ADK: variants seen among roughly 807,000 people sequenced by gnomAD.
ADK encodes N6,N6-dimethyladenosine kinase.
A neutral mutation model predicts 44.7 loss-of-function variants in ADK; 24 were observed. That is an observed-to-expected ratio of 0.54 (90% confidence interval 0.39 to 0.76). ADK has a LOEUF of 0.76. Ranked by LOEUF, ADK falls within the 30% of genes least tolerant of loss-of-function variation. ADK has a pLI of 0.00. For synonymous variants in ADK, 128 were observed against 142.6 expected (o/e 0.90, Z 0.73); for missense variants, 321 against 425.1 (o/e 0.76, Z 2.15).
At chr10:74,509,220 G>A (rs1268405384) in intron 6 of ADK, 1 of 150,072 alleles carries the variant, frequency 6.7e-6, no homozygotes, top group Non-Finnish European at 1.5e-5. Flanking sequence ...TTGAGACGGA[G>A]TCTCACTCTG....
intron 7 of ADK, among the ~76,000 whole-genome samples, chr10:74,569,032 C>G (rs947677620): frequency 6.7e-6 from 1 of 150,136 alleles, no homozygotes; most frequent in Non-Finnish European, 1.5e-5. Context: ...CATTGTTTGG[C>G]TTTTTGTCCT....
At position 74,534,263 on chromosome 10, in the gene ADK, T is replaced by C. The variant is rs12773960; in HGVS notation, c.726+8837T>C. 3.2e-3 allele frequency among the ~76,000 whole-genome samples: 482 copies of C among 152,364 alleles called. 1 individual carries two copies. The highest frequency in any genetic ancestry group is 5.0e-3 in the Non-Finnish European group (339 of 68,034). ...CTTTTAGTTTGTGCAGATAATTGTA[T>C]GTCAGTTATACCTCAGTAAAGCTAT... On this transcript the variant is annotated intron_variant, in intron 7 of 10. Coordinates refer to ENST00000539909, the MANE Select transcript of ADK (RefSeq NM_006721.4).
At chr10:74,694,127 A>G (rs1317198625) in intron 10 of ADK, among the ~76,000 whole-genome samples, 1 of 148,722 alleles carries the variant, frequency 6.7e-6, no homozygotes, top group Non-Finnish European at 1.5e-5. Context: ...AACTCTAGAA[A>G]CTTAACTTTT....
intron 8 of ADK, among the ~76,000 whole-genome samples, chr10:74,591,881 C>T (rs1851735662): frequency 6.6e-6 from 1 of 152,080 alleles, no homozygotes; most frequent in South Asian, 2.1e-4. Flanking sequence ...TTCCAAAAGC[C>T]ACTGAGTATT....
At chr10:74,257,558 T>C (rs533502738) in intron 3 of ADK, among the ~76,000 whole-genome samples, 65 of 152,328 alleles carry the variant, frequency 4.3e-4, no homozygotes, top group Admixed American at 7.2e-4. Flanking sequence ...TTTTGAAATT[T>C]AATTTAGAAT....
chr10:74,686,086 C>T (rs532445459), intron 10 of ADK, among the ~76,000 whole-genome samples: 395 of 152,126 alleles, frequency 2.6e-3, no homozygotes, highest in Non-Finnish European at 4.7e-3. Flanking sequence ...CTCAGCCTCC[C>T]GAGTAGCTGG....
intron 4 of ADK, among the ~76,000 whole-genome samples, chr10:74,350,725 A>G (rs904834691): frequency 2.0e-5 from 3 of 152,234 alleles, no homozygotes; most frequent in African/African-American, 7.2e-5. Context: ...AAAAAATTAT[A>G]AAGTGGATAT....
At chr10:74,220,195 C>A (rs954888016) in intron 2 of ADK, among the ~76,000 whole-genome samples, 4 of 151,818 alleles carry the variant, frequency 2.6e-5, no homozygotes, top group African/African-American at 9.7e-5. Flanking sequence ...GATATCACCA[C>A]TGATCCCACA....
At chr10:74,687,452 A>C (rs1381231461) in intron 10 of ADK, among the ~76,000 whole-genome samples, 1 of 152,256 alleles carries the variant, frequency 6.6e-6, no homozygotes, top group Non-Finnish European at 1.5e-5. Context: ...TTTGCCCTTG[A>C]ACGAGATGCC....
intron 3 of ADK, among the ~76,000 whole-genome samples, chr10:74,287,752 A>G (rs1847235782): frequency 1.3e-5 from 2 of 152,012 alleles, no homozygotes; most frequent in Admixed American, 1.3e-4. Flanking sequence ...TAATCCCAGC[A>G]TTTTGGGAGG....
intron 6 of ADK, among the ~76,000 whole-genome samples, chr10:74,410,102 T>G (rs1305842300): frequency 6.6e-6 from 1 of 152,184 alleles, no homozygotes; most frequent in Non-Finnish European, 1.5e-5. Flanking sequence ...TCCATTGAAT[T>G]AACAAGTTAG....
intron 10 of ADK, among the ~76,000 whole-genome samples, chr10:74,674,906 A>AATT (rs1564846821): frequency 2.5e-4 from 29 of 113,796 alleles, no homozygotes; most frequent in African/African-American, 6.8e-4. Context: ...ATTAATTAAT[A>AATT]AAATAATTGT....
intron 7 of ADK, among the ~76,000 whole-genome samples, chr10:74,568,359 C>T (rs984426246): frequency 6.6e-6 from 1 of 152,014 alleles, no homozygotes; most frequent in Non-Finnish European, 1.5e-5. Flanking sequence ...CAGTCAGCAT[C>T]AATGTTGAGA....
intron 6 of ADK, among the ~76,000 whole-genome samples, chr10:74,421,345 T>C (rs1844548532): frequency 6.6e-6 from 1 of 152,120 alleles, no homozygotes; most frequent in Admixed American, 6.6e-5. Flanking sequence ...TGGTGGAAGC[T>C]AGGTTTCTCA....
At chr10:74,702,571 C>CCTTCCT (rs1554900319) in intron 10 of ADK, among the ~76,000 whole-genome samples, 2 of 144,116 alleles carry the variant, frequency 1.4e-5, no homozygotes, top group African/African-American at 2.6e-5. Context: ...TTCCTTCCTT[C>CCTTCCT]CTCTCTCTCT....
chr10:74,409,385 TGCG>T (rs1844082049), intron 6 of ADK, among the ~76,000 whole-genome samples: 1 of 152,206 alleles, frequency 6.6e-6, no homozygotes, highest in Non-Finnish European at 1.5e-5. Context: ...TGACTTACCC[TGCG>T]TAAACAAGGT....
chr10:74,612,055 C>G (rs1423459265), intron 9 of ADK, among the ~76,000 whole-genome samples: 1 of 152,098 alleles, frequency 6.6e-6, no homozygotes, highest in East Asian at 1.9e-4. Context: ...TTCCAAACTG[C>G]TTTCCACAGG....
intron 6 of ADK, among the ~76,000 whole-genome samples, chr10:74,407,063 A>G (rs1032745636): frequency 6.7e-5 from 10 of 149,820 alleles, no homozygotes; most frequent in Admixed American, 1.3e-4. Context: ...GGTCAATGCA[A>G]CCCCCACCTC....
intron 3 of ADK, among the ~76,000 whole-genome samples, chr10:74,227,696 T>C (rs1844597438): frequency 6.6e-6 from 1 of 152,030 alleles, no homozygotes; most frequent in African/African-American, 2.4e-5. Flanking sequence ...ATACAAAAAT[T>C]AGCCAGGCAT....
Sources: allele counts gnomAD v4.1 joint callset (sites outside exome capture counted in the v4.1 genomes callset), GRCh38; gene constraint gnomAD v4.1.1; transcripts MANE v1.5; gene names NCBI Gene and HGNC (gene_info 2026-07-23, HGNC 2026-07-21).